The following GOLGB1 variants were observed in gnomAD, a reference collection of about 807,000 sequenced individuals.
GOLGB1 encodes the protein golgin subfamily B member 1.
GOLGB1 carries 174 observed loss-of-function variants against 336.9 expected under a neutral mutation model. That is an observed-to-expected ratio of 0.52 (90% CI 0.46 to 0.59). The LOEUF (loss-of-function observed/expected upper bound fraction) is 0.59. Among genes scored for constraint, GOLGB1 ranks in the 20% least tolerant of loss-of-function variants. The pLI, the probability that GOLGB1 is intolerant of heterozygous loss-of-function variation, is 0.00. For missense variants in GOLGB1, 3,331 were observed against 3,645.3 expected (o/e 0.91, Z 2.22); for synonymous variants, 1,208 against 1,289.2 (o/e 0.94, Z 1.35).
At chr3:121,721,181 T>G (rs764637232) in intron 6 of GOLGB1, among the ~76,000 whole-genome samples, 9 of 151,904 alleles carry the variant, frequency 5.9e-5, no homozygotes, top group Non-Finnish European at 1.0e-4. Context: ...ATATACAATT[T>G]TAACTGTATA....
rs551588954 is a variant in GOLGB1, at chr3:121,667,740, A to G, written c.9420-130T>C. 3.9e-6 allele frequency: 3 copies of G among 774,690 alleles called. No individual in the cohort carries two copies. The South Asian group carries it at 5.7e-5, about 15-fold the overall frequency. 48.0% of individuals were successfully genotyped at this position (774,690 alleles called of 1,614,324 possible). On this transcript the variant is annotated intron_variant, in intron 19 of 21. Transcript: ENST00000614479. ...GAAGCTTGTCTAAACACAATATTTTAAAAGCAAAGCTGTAGAGGGATTAAA... is the reference window on the plus strand; with the variant it reads ...GAAGCTTGTCTAAACACAATATTTTGAAAGCAAAGCTGTAGAGGGATTAAA...
intron 14 of GOLGB1, among the ~76,000 whole-genome samples, chr3:121,686,041 G>GT (rs1202163096): frequency 1.3e-5 from 2 of 152,094 alleles, no homozygotes; most frequent in Non-Finnish European, 2.9e-5. Context: ...TGAACTGGAC[G>GT]TAATTCTTTT....
intron 13 of GOLGB1, 79 bp from the exon 14 acceptor site, chr3:121,692,660 T>A: frequency 1.4e-6 from 1 of 727,188 alleles, no homozygotes; most frequent in Non-Finnish European, 2.3e-6. Context: ...CTATAACATG[T>A]ACTCAATAGA....
intron 10 of GOLGB1, among the ~76,000 whole-genome samples, chr3:121,705,759 A>G (rs1422651897): frequency 6.6e-6 from 1 of 152,222 alleles, no homozygotes; most frequent in East Asian, 1.9e-4. Context: ...GGCTATCTGA[A>G]CTACCCCTAC....
intron 15 of GOLGB1, among the ~76,000 whole-genome samples, chr3:121,678,764 C>T (rs1250694389): frequency 2.0e-5 from 3 of 152,098 alleles, no homozygotes; most frequent in African/African-American, 7.2e-5. Flanking sequence ...GATGGCCAGG[C>T]TGGTCTCAAA....
chr3:121,673,286 C>T (rs1939832526), intron 17 of GOLGB1, among the ~76,000 whole-genome samples: 1 of 152,154 alleles, frequency 6.6e-6, no homozygotes, highest in African/African-American at 2.4e-5. Context: ...CCAGGATGGT[C>T]TCGAACTCCT....
In GOLGB1 at chr3:121,694,054, T is replaced by C. The variant is rs747317056; in HGVS notation, c.6469A>G (p.Lys2157Glu). 3 of 1,614,160 alleles carry C rather than the reference T, an allele frequency of 1.9e-6. No homozygotes were observed. The highest frequency in any genetic ancestry group is 2.5e-6 in the Non-Finnish European group (3 of 1,180,008). The change falls in exon 13 of 22, where the codon AAA (lysine) becomes GAA (glutamate). Residue 2157 changes from lysine (K) to glutamate (E), a missense_variant. By Grantham distance (56) the Lys-to-Glu change is moderately conservative. Transcript: ENST00000614479. ...CCAATTGTCTCTTCCAAGTGGACTT[T>C]TTCTCTGCGCAAAGCATCCAGTTTC... is the stretch of plus-strand genomic sequence containing the variant. ...QEKLDALRRE[K>E]VHLEETIGEI...
chr3:121,729,078 A>T, intron 4 of GOLGB1, 110 bp downstream of exon 4: 1 of 725,258 alleles, frequency 1.4e-6, no homozygotes, highest in Non-Finnish European at 2.2e-6. Flanking sequence ...ACAAAACATT[A>T]TTTAGTGCTG....
intron 15 of GOLGB1, among the ~76,000 whole-genome samples, chr3:121,680,238 C>T (rs1940918871): frequency 6.6e-6 from 1 of 152,178 alleles, no homozygotes; most frequent in African/African-American, 2.4e-5. Context: ...GTGAAGCCTG[C>T]TAACACAGAA....
At chr3:121,733,240 G>GT (rs1560321970) in intron 1 of GOLGB1, among the ~76,000 whole-genome samples, 1 of 144,642 alleles carries the variant, frequency 6.9e-6, no homozygotes, top group African/African-American at 2.6e-5. Flanking sequence ...GGAGAATGGC[G>GT]TGAACCCAGG....
chr3:121,708,461 C>A (rs980063354), intron 10 of GOLGB1, among the ~76,000 whole-genome samples: 1 of 151,918 alleles, frequency 6.6e-6, no homozygotes, highest in Non-Finnish European at 1.5e-5. Flanking sequence ...CATAGTGAGA[C>A]CTTGTCTCTA....
chr3:121,740,880 A>G (rs1267164462), intron 1 of GOLGB1, among the ~76,000 whole-genome samples: 1 of 152,066 alleles, frequency 6.6e-6, no homozygotes, highest in East Asian at 1.9e-4. Context: ...AAGAGCCCAC[A>G]ATGTACCTCA....
At chr3:121,727,151 C>T in intron 4 of GOLGB1, 110 bp from the exon 5 acceptor site, 3 of 582,692 alleles carry the variant, frequency 5.1e-6, no homozygotes, top group Non-Finnish European at 7.8e-6. Context: ...TTTTATTAAA[C>T]TGATGGGAGC....
intron 20 of GOLGB1, among the ~76,000 whole-genome samples, chr3:121,665,399 A>C (rs1285602016): frequency 6.6e-6 from 1 of 150,902 alleles, no homozygotes; most frequent in Non-Finnish European, 1.5e-5. Context: ...GCAGAGCCAG[A>C]ATTCAATACC....
chr3:121,710,342 C>T (rs2108032752), intron 10 of GOLGB1, among the ~76,000 whole-genome samples: 1 of 152,182 alleles, frequency 6.6e-6, no homozygotes, highest in Middle Eastern at 3.4e-3. Context: ...ATGAGGCTGC[C>T]ATACCCTTAA....
rs779985938 is a variant in GOLGB1, at chr3:121,698,257, A to G, written c.2266T>C (p.Ser756Pro). The change falls in exon 13 of 22, where the codon TCT (serine) becomes CCT (proline). Residue 756 changes from serine (S) to proline (P), a missense_variant. Coordinates refer to ENST00000614479, the MANE Select transcript of GOLGB1 (RefSeq NM_001366282.2). ...ALSEERDQLL[S>P]QVKELSMVTE... is the part of the protein sequence containing the mutation. ...ACCATGCTAAGTTCCTTCACCTGAG[A>G]GAGAAGCTGGTCTCTTTCTTCAGAC... 6 of 1,613,840 alleles carry G rather than the reference A, an allele frequency of 3.7e-6. No homozygotes were observed. The highest frequency in any genetic ancestry group is 4.2e-6 in the Non-Finnish European group (5 of 1,179,914).
At chr3:121,671,397 A>C (rs1300850679) in intron 17 of GOLGB1, among the ~76,000 whole-genome samples, 1 of 152,004 alleles carries the variant, frequency 6.6e-6, no homozygotes, top group Admixed American at 6.5e-5. Context: ...CCACCCCTGG[A>C]CCCCCAACTC....
rs767356382 is a variant in GOLGB1, at chr3:121,715,002, T to C, written c.1289-26A>G. Reference sequence around the variant, plus strand: ...CTAAGGAAAAGAAAAAAAATAAATGTAATATTTGCTTCAAGTCTGAAATGT... The same window carrying C: ...CTAAGGAAAAGAAAAAAAATAAATGCAATATTTGCTTCAAGTCTGAAATGT... On this transcript the variant is annotated intron_variant, in intron 9 of 21. Transcript: ENST00000614479. 6 of 1,211,902 alleles carry C rather than the reference T, an allele frequency of 5.0e-6. No individual in the cohort carries two copies. The South Asian group carries it at 7.3e-5, about 15-fold the overall frequency. The allele number at this position is 1,211,902 out of a possible 1,614,324, so 75.1% of individuals were successfully genotyped here. A position where few individuals can be genotyped will look rare whatever the true frequency, so the allele number is the denominator to read the frequency against.
At chr3:121,741,613 A>G (rs1946863958) in intron 1 of GOLGB1, among the ~76,000 whole-genome samples, 2 of 152,192 alleles carry the variant, frequency 1.3e-5, no homozygotes, top group Non-Finnish European at 2.9e-5. Flanking sequence ...CTGTATTTTC[A>G]GTTATGAAAA....
Sources: allele counts gnomAD v4.1 joint callset (sites outside exome capture counted in the v4.1 genomes callset), GRCh38; gene constraint gnomAD v4.1.1; transcripts MANE v1.5; gene names NCBI Gene and HGNC (gene_info 2026-07-23, HGNC 2026-07-21).